AFG2A: variants seen among roughly 807,000 people sequenced by gnomAD.
AFG2A encodes the protein ATPase family gene 2 protein homolog A.
At chr4:123,233,719 A>ATGTGTGTG in the AFG2A span, among the ~76,000 whole-genome samples, 3 of 149,042 alleles carry the variant, frequency 2.0e-5, no homozygotes, top group African/African-American at 7.4e-5. Flanking sequence ...ACATGGGTGT[A>ATGTGTGTG]TGTGTGTGTG....
At chr4:123,304,370 A>G in the AFG2A span, among the ~76,000 whole-genome samples, 1 of 152,088 alleles carries the variant, frequency 6.6e-6, no homozygotes, top group Non-Finnish European at 1.5e-5. Context: ...CCTCCAGTGC[A>G]TGTGTTCGCA....
At chr4:123,224,555 G>A in the AFG2A span, among the ~76,000 whole-genome samples, 1 of 152,082 alleles carries the variant, frequency 6.6e-6, no homozygotes, top group Non-Finnish European at 1.5e-5. Context: ...ATTTTTTATG[G>A]CTACATAGTA....
chr4:123,226,001 G>C, the AFG2A span, among the ~76,000 whole-genome samples: 18 of 152,032 alleles, frequency 1.2e-4, no homozygotes, highest in African/African-American at 4.1e-4. Context: ...CTCATGATTT[G>C]GTTCTCTGTT....
chr4:123,123,498 A>G, the AFG2A span, among the ~76,000 whole-genome samples: 4 of 152,102 alleles, frequency 2.6e-5, no homozygotes, highest in Admixed American at 6.6e-5. Context: ...ATTTTTTTGT[A>G]ACATTCAGAA....
the AFG2A span, among the ~76,000 whole-genome samples, chr4:123,238,293 G>A: frequency 3.3e-4 from 50 of 152,300 alleles, no homozygotes; most frequent in African/African-American, 1.1e-3. Flanking sequence ...AGACTTAAAC[G>A]TCCCTGTGTG....
At chr4:123,253,316 C>G in the AFG2A span, among the ~76,000 whole-genome samples, 15,385 of 152,172 alleles carry the variant, frequency 0.1, 880 homozygotes, top group Middle Eastern at 0.17. Flanking sequence ...AACCCCATCT[C>G]TACTAAAAAT....
At chr4:123,015,395 C>A in the AFG2A span, among the ~76,000 whole-genome samples, 1 of 151,930 alleles carries the variant, frequency 6.6e-6, no homozygotes, top group Non-Finnish European at 1.5e-5. Flanking sequence ...TCTTAACGAG[C>A]ATGCTGCCTT....
the AFG2A span, among the ~76,000 whole-genome samples, chr4:123,141,834 G>A: frequency 6.6e-6 from 1 of 151,998 alleles, no homozygotes. Context: ...TAGATGATTT[G>A]CAAACATTTT....
the AFG2A span, among the ~76,000 whole-genome samples, chr4:123,010,743 C>A: frequency 6.6e-6 from 1 of 152,180 alleles, no homozygotes; most frequent in Admixed American, 6.5e-5. Context: ...CGTAGGCTTG[C>A]TTACTTCTGA....
the AFG2A span, among the ~76,000 whole-genome samples, chr4:123,070,731 A>C: frequency 6.6e-6 from 1 of 152,178 alleles, no homozygotes; most frequent in Non-Finnish European, 1.5e-5. Context: ...ATCACCAGGC[A>C]AGTATGATCC....
the AFG2A span, among the ~76,000 whole-genome samples, chr4:123,088,127 T>C: frequency 6.6e-6 from 1 of 152,226 alleles, no homozygotes; most frequent in Non-Finnish European, 1.5e-5. Context: ...TCTTTTATAA[T>C]ACATTTTCAC....
the AFG2A span, chr4:123,256,159 C>A: frequency 1.0e-4 from 165 of 1,613,970 alleles, no homozygotes; most frequent in East Asian, 3.2e-3. Flanking sequence ...TCCTTCAAAC[C>A]GACGCATACT....
chr4:122,991,815 T>C, the AFG2A span, among the ~76,000 whole-genome samples: 1 of 152,210 alleles, frequency 6.6e-6, no homozygotes, highest in Non-Finnish European at 1.5e-5. Flanking sequence ...TGTAAATAAT[T>C]TGACAAATGG....
At chr4:123,102,350 G>A in the AFG2A span, 1 of 149,006 alleles carries the variant, frequency 6.7e-6, no homozygotes, top group Non-Finnish European at 1.5e-5. Context: ...CTGTTGTTGT[G>A]TAATAAAAAC....
At chr4:122,971,701 TAAG>T in the AFG2A span, among the ~76,000 whole-genome samples, 14 of 152,030 alleles carry the variant, frequency 9.2e-5, no homozygotes, top group Non-Finnish European at 1.6e-4. Context: ...GTATGCGTGA[TAAG>T]GAGGTTTGTA....
chr4:123,180,575 G>A, the AFG2A span, among the ~76,000 whole-genome samples: 1 of 152,026 alleles, frequency 6.6e-6, no homozygotes, highest in Non-Finnish European at 1.5e-5. Context: ...CCTGATTCTT[G>A]TGTTTTTGCA....
chr4:123,008,355 C>T, the AFG2A span, among the ~76,000 whole-genome samples: 1 of 152,168 alleles, frequency 6.6e-6, no homozygotes, highest in Non-Finnish European at 1.5e-5. Flanking sequence ...CTGCCACAAT[C>T]CAGACAGCTC....
chr4:122,933,630 T>C, the AFG2A span: 1 of 671,438 alleles, frequency 1.5e-6, no homozygotes, highest in East Asian at 2.8e-5. Flanking sequence ...CCTCAATGAA[T>C]GAATATACTT....
chr4:123,268,045 T>G, the AFG2A span, among the ~76,000 whole-genome samples: 4 of 152,164 alleles, frequency 2.6e-5, no homozygotes, highest in East Asian at 7.7e-4. Flanking sequence ...CAATATATAA[T>G]TTATGTTTAT....
Sources: allele counts gnomAD v4.1 joint callset (sites outside exome capture counted in the v4.1 genomes callset), GRCh38; gene constraint gnomAD v4.1.1; transcripts MANE v1.5; gene names NCBI Gene and HGNC (gene_info 2026-07-23, HGNC 2026-07-21).